UBE2D3: variants seen among roughly 807,000 people sequenced by gnomAD.
UBE2D3 encodes ubiquitin conjugating enzyme E2 D3.
Under a neutral mutation model 22.8 loss-of-function variants are expected in UBE2D3, and 2 were observed. The observed-to-expected ratio is 0.09, with a 90% confidence interval of 0.04 to 0.28. The LOEUF (loss-of-function observed/expected upper bound fraction) is 0.28. Among genes scored for constraint, UBE2D3 ranks in the 10% least tolerant of loss-of-function variants. UBE2D3 has a pLI of 1.00. For missense variants in UBE2D3, 27 were observed against 182.5 expected (o/e 0.15, Z 4.91); for synonymous variants, 56 against 60.4 (o/e 0.93, Z 0.34).
intron 2 of UBE2D3, among the ~76,000 whole-genome samples, chr4:102,820,714 T>C (rs1325485406): frequency 3.3e-5 from 5 of 152,110 alleles, no homozygotes; most frequent in African/African-American, 4.8e-5. Context: ...GGGTGTTTTA[T>C]GGACATTAAA....
intron 1 of UBE2D3, among the ~76,000 whole-genome samples, chr4:102,833,572 T>C (rs1259914329): frequency 1.3e-5 from 2 of 152,196 alleles, no homozygotes; most frequent in East Asian, 3.8e-4. Context: ...TTTAGTTTGA[T>C]GTAGATAGAG....
chr4:102,840,032 T>C (rs1488874938), intron 1 of UBE2D3, among the ~76,000 whole-genome samples: 1 of 152,180 alleles, frequency 6.6e-6, no homozygotes, highest in East Asian at 1.9e-4. Flanking sequence ...AAATGTGTAA[T>C]ATCACTAATC....
rs907557988 is a variant in UBE2D3 at position 102,836,141 on chromosome 4, AT to A, written c.-128-9506del. Among the ~76,000 whole-genome samples the A allele has an allele frequency of 5.4e-3, 552 of 102,630 alleles. 1 individual carries two copies. Among genetic ancestry groups the A allele is most frequent in the Middle Eastern group, 0.026 (4 of 152 alleles). The allele number at this position is 102,630 out of a possible 152,430, so 67.3% of individuals were successfully genotyped here. On this transcript the variant is annotated intron_variant, in intron 1 of 7. Transcript: ENST00000338145. ...GTCAGTGGACATTTGGTTTGTTTCC[AT>A]TTTTTTTTTTTTTTTTTTTTTTGTG...
At chr4:102,863,347 G>A (rs113069616) in intron 1 of UBE2D3, among the ~76,000 whole-genome samples, 5 of 151,480 alleles carry the variant, frequency 3.3e-5, no homozygotes, top group East Asian at 2.0e-4. Context: ...CACCGAGCCC[G>A]GCCCCAGGCT....
intron 1 of UBE2D3, among the ~76,000 whole-genome samples, chr4:102,851,078 T>C (rs1288757956): frequency 1.3e-5 from 2 of 152,206 alleles, no homozygotes; most frequent in Non-Finnish European, 2.9e-5. Flanking sequence ...CCACAAACTA[T>C]TGAAATAAAA....
chr4:102,868,853 G>A lies in UBE2D3; in HGVS notation c.-267C>T, dbSNP rs1035240581. ...CACCTTCACACGAGATTCCGAGGAG[G>A]GCCTCGCTACCCGCCAGTTCCCGCG... On this transcript the variant is annotated 5_prime_UTR_variant, in exon 1 of 8. Coordinates refer to the UBE2D3 transcript ENST00000338145. 32 of 1,542,010 alleles carry A rather than the reference G, an allele frequency of 2.1e-5. No homozygotes were observed. The African/African-American group carries it at 2.9e-4, about 14-fold the overall frequency.
chr4:102,843,940 C>G (rs1371763622), intron 1 of UBE2D3: 1 of 152,262 alleles, frequency 6.6e-6, no homozygotes, highest in Non-Finnish European at 1.5e-5. Context: ...TAGTCTGTTT[C>G]TGATTCTCCT....
chr4:102,837,051 G>T (rs542516348), intron 1 of UBE2D3: 1 of 152,210 alleles, frequency 6.6e-6, no homozygotes, highest in Non-Finnish European at 1.5e-5. Context: ...TTTTTTGTGG[G>T]TTTTTGGGTG....
At chr4:102,823,600 T>C (rs1448216127) in intron 2 of UBE2D3, among the ~76,000 whole-genome samples, 1 of 152,246 alleles carries the variant, frequency 6.6e-6, no homozygotes, top group Non-Finnish European at 1.5e-5. Flanking sequence ...ACATATATTG[T>C]AGTCCCTGTT....
chr4:102,805,920 C>T (rs1288498109), intron 4 of UBE2D3, among the ~76,000 whole-genome samples: 2 of 152,202 alleles, frequency 1.3e-5, no homozygotes, highest in African/African-American at 2.4e-5. Context: ...ACTTCTTCCT[C>T]TCTTATCTCA....
chr4:102,853,135 ATTT>A lies in UBE2D3; in HGVS notation c.-129+15577_-129+15579del, dbSNP rs151339235. ...GTCAAAATTACACACAAACACACAC[ATTT>A]TTTTTTTTTTTTTTTTTTTTTTGAG... On this transcript the variant is annotated intron_variant, in intron 1 of 7. Transcript: ENST00000338145. Among the ~76,000 whole-genome samples, 18 of 88,600 alleles carry A rather than the reference ATTT, an allele frequency of 2.0e-4. 1 individual carries two copies. Among genetic ancestry groups the A allele is most frequent in the Non-Finnish European group, 2.5e-4 (12 of 47,838 alleles). 58.1% of individuals were successfully genotyped at this position (88,600 alleles called of 152,430 possible). A position where few individuals can be genotyped will look rare whatever the true frequency, so the allele number is the denominator to read the frequency against.
chr4:102,835,691 C>T (rs1731354721), intron 1 of UBE2D3, among the ~76,000 whole-genome samples: 1 of 152,184 alleles, frequency 6.6e-6, no homozygotes, highest in Admixed American at 6.5e-5. Context: ...ACCACAGCTA[C>T]ATTGTTATGT....
At chr4:102,832,735 A>G (rs539548504) in intron 1 of UBE2D3, among the ~76,000 whole-genome samples, 24 of 152,332 alleles carry the variant, frequency 1.6e-4, no homozygotes, top group Admixed American at 1.2e-3. Context: ...CAAGCCAGGC[A>G]CAGTGGCTTA....
At chr4:102,824,165 A>G (rs147508220) in intron 2 of UBE2D3, among the ~76,000 whole-genome samples, 90 of 152,360 alleles carry the variant, frequency 5.9e-4, no homozygotes, top group African/African-American at 2.0e-3. Context: ...ATGTTCACAT[A>G]AACACTGGTT....
intron 1 of UBE2D3, 194 bp from the exon 2 acceptor site, chr4:102,826,830 T>G: frequency 8.4e-7 from 1 of 1,195,742 alleles, no homozygotes; most frequent in Non-Finnish European, 1.0e-6. Context: ...GGCTACAAGT[T>G]TAACTTCCCG....
intron 2 of UBE2D3, chr4:102,825,309 C>G (rs1730283939): frequency 1.0e-6 from 1 of 988,602 alleles, no homozygotes; most frequent in African/African-American, 1.7e-5. Context: ...GCTGTAAACA[C>G]TCCACCCTCT....
chr4:102,815,566 T>TC (rs1728673090), intron 2 of UBE2D3, among the ~76,000 whole-genome samples: 1 of 152,210 alleles, frequency 6.6e-6, no homozygotes, highest in Non-Finnish European at 1.5e-5. Context: ...AAATGAGTTT[T>TC]CGGCACACTG....
chr4:102,827,752 C>A (rs1730819210), upstream of UBE2D3: 1 of 985,342 alleles, frequency 1.0e-6, no homozygotes, highest in South Asian at 4.7e-5. Flanking sequence ...CTAAACAGAT[C>A]GGAGATTGGA....
chr4:102,847,327 C>T (rs976524820), intron 1 of UBE2D3, among the ~76,000 whole-genome samples: 33 of 152,198 alleles, frequency 2.2e-4, no homozygotes, highest in African/African-American at 7.9e-4. Context: ...ACTCCGTCGC[C>T]CAGGCTGGAG....
Sources: gnomAD v4.1 joint callset for allele counts (sites outside exome capture counted in the v4.1 genomes callset) on GRCh38, gnomAD v4.1.1 for gene constraint, MANE v1.5 for transcripts, NCBI Gene and HGNC (gene_info 2026-07-23, HGNC 2026-07-21) for gene names.